R3HCC1L: variants seen among roughly 807,000 people sequenced by gnomAD.
R3HCC1L encodes the protein R3H domain and coiled-coil containing 1 like.
R3HCC1L carries 51 observed loss-of-function variants against 59.9 expected under a neutral mutation model. The observed-to-expected ratio is 0.85, with a 90% CI of 0.68 to 1.07. The LOEUF (loss-of-function observed/expected upper bound fraction) is 1.07, where lower values mean the gene tolerates loss of function less well. Ranked by LOEUF, R3HCC1L falls within the 50% of genes least tolerant of loss-of-function variation. The pLI is 0.00. For missense variants in R3HCC1L, 965 were observed against 933.0 expected (o/e 1.03, Z -0.45); for synonymous variants, 322 against 315.2 (o/e 1.02, Z -0.23).
intron 5 of R3HCC1L, among the ~76,000 whole-genome samples, chr10:98,219,522 T>C (rs559593299): frequency 6.6e-6 from 1 of 152,204 alleles, no homozygotes; most frequent in South Asian, 2.1e-4. Flanking sequence ...TCCTATCTTA[T>C]TTATCTTTGC....
chr10:98,136,399 A>T (rs551544814), intron 1 of R3HCC1L, among the ~76,000 whole-genome samples: 3 of 152,158 alleles, frequency 2.0e-5, no homozygotes. Context: ...GAGTGTTTCA[A>T]ATTTCAGATT....
intron 9 of R3HCC1L, among the ~76,000 whole-genome samples, chr10:98,240,314 A>G (rs550718992): frequency 2.0e-5 from 3 of 152,184 alleles, no homozygotes; most frequent in Non-Finnish European, 4.4e-5. Context: ...TCAAAAAAAT[A>G]AAAAACAAAA....
At chr10:98,230,736 G>A (rs10450402) in intron 5 of R3HCC1L, among the ~76,000 whole-genome samples, 91,798 of 152,036 alleles carry the variant, frequency 0.6, 27,962 homozygotes, top group South Asian at 0.67. Flanking sequence ...TTCCCTCTAC[G>A]CAAACAGTGT....
intron 7 of R3HCC1L, among the ~76,000 whole-genome samples, chr10:98,235,099 C>T (rs564647003): frequency 1.1e-4 from 16 of 152,200 alleles, no homozygotes; most frequent in Non-Finnish European, 1.9e-4. Flanking sequence ...CATCAGGTCT[C>T]TGTCACTACT....
chr10:98,196,766 T>C (rs989078972), intron 4 of R3HCC1L, among the ~76,000 whole-genome samples: 1 of 152,176 alleles, frequency 6.6e-6, no homozygotes, highest in African/African-American at 2.4e-5. Flanking sequence ...TACTTACATA[T>C]TAGCTAGAAT....
intron 4 of R3HCC1L, among the ~76,000 whole-genome samples, chr10:98,171,440 T>G (rs1242006869): frequency 6.6e-6 from 1 of 152,176 alleles, no homozygotes; most frequent in Non-Finnish European, 1.5e-5. Flanking sequence ...CTCTAGATGT[T>G]GTTAAGGCAT....
At chr10:98,135,316 G>A (rs1017674689) in intron 1 of R3HCC1L, among the ~76,000 whole-genome samples, 3 of 152,246 alleles carry the variant, frequency 2.0e-5, no homozygotes, top group Non-Finnish European at 2.9e-5. Context: ...TATCCTGGGG[G>A]AAGTCTCAGT....
intron 4 of R3HCC1L, 114 bp from the exon 5 acceptor site, chr10:98,207,987 T>C: frequency 1.0e-6 from 1 of 1,000,980 alleles, no homozygotes; most frequent in Non-Finnish European, 1.4e-6. Context: ...ATCGCTCCAC[T>C]GTACTCTAGC....
chr10:98,223,623 A>G (rs139443537), intron 5 of R3HCC1L, among the ~76,000 whole-genome samples: 104 of 151,868 alleles, frequency 6.8e-4, no homozygotes, highest in African/African-American at 2.2e-3. Flanking sequence ...TAGTTTCTGT[A>G]TGATATCTTG....
At chr10:98,177,098 G>C (rs971655594) in intron 4 of R3HCC1L, among the ~76,000 whole-genome samples, 3 of 152,020 alleles carry the variant, frequency 2.0e-5, no homozygotes, top group African/African-American at 7.3e-5. Context: ...TGTTACATAT[G>C]TATACATGTG....
At chr10:98,204,230 G>A (rs572064406) in intron 4 of R3HCC1L, among the ~76,000 whole-genome samples, 13 of 152,264 alleles carry the variant, frequency 8.5e-5, no homozygotes, top group African/African-American at 3.1e-4. Context: ...CCAACATAGA[G>A]AAACCCCATG....
chr10:98,196,758 C>T (rs1851475534), intron 4 of R3HCC1L, among the ~76,000 whole-genome samples: 1 of 152,174 alleles, frequency 6.6e-6, no homozygotes, highest in Non-Finnish European at 1.5e-5. Flanking sequence ...TCCCCCTGTA[C>T]TTACATATTA....
intron 4 of R3HCC1L, among the ~76,000 whole-genome samples, chr10:98,196,146 T>C (rs1851409597): frequency 6.6e-6 from 1 of 152,210 alleles, no homozygotes; most frequent in Non-Finnish European, 1.5e-5. Context: ...GCAGGTATTG[T>C]TAGAATTTCT....
chr10:98,157,799 C>T (rs569978913), intron 2 of R3HCC1L, among the ~76,000 whole-genome samples: 12 of 152,204 alleles, frequency 7.9e-5, no homozygotes, highest in Non-Finnish European at 1.6e-4. Flanking sequence ...AGGTGTATTC[C>T]ATTCTTTTAA....
chr10:98,208,038 A>G, intron 4 of R3HCC1L, 63 bp from the exon 5 acceptor site: 1 of 1,429,742 alleles, frequency 7.0e-7, no homozygotes, highest in African/African-American at 1.4e-5. Context: ...AAGAAAAAAG[A>G]AAATATTTTG....
chr10:98,221,343 G>A (rs2135464407), intron 5 of R3HCC1L, among the ~76,000 whole-genome samples: 1 of 149,638 alleles, frequency 6.7e-6, no homozygotes, highest in South Asian at 2.1e-4. Flanking sequence ...TGTTCACTCT[G>A]ATGGTAGTTT....
At chr10:98,138,806 G>A (rs990307447) in intron 1 of R3HCC1L, among the ~76,000 whole-genome samples, 1 of 152,024 alleles carries the variant, frequency 6.6e-6, no homozygotes, top group African/African-American at 2.4e-5. Context: ...ATGTAACTTT[G>A]GTTCATATGA....
chr10:98,208,747 C>G lies in R3HCC1L; in HGVS notation c.633C>G (p.Thr211=). The change falls in exon 5 of 10, where the codon ACC becomes ACG. Residue 211 remains threonine (T), a synonymous_variant. Coordinates refer to ENST00000298999, the MANE Select transcript of R3HCC1L (RefSeq NM_001351015.2). ...KDLEGRIETD[T]KVLEILYEFP... ...TGGAAGGCAGAATTGAAACTGATAC[C>G]AAGGTTTTGGAGATACTATATGAGT... The G allele has an allele frequency of 1.4e-5, 22 of 1,614,024 alleles. No homozygotes were observed. Among genetic ancestry groups the G allele is most frequent in the Non-Finnish European group, 5.9e-6 (7 of 1,179,998 alleles).
At chr10:98,238,977 G>T (rs1857242595) in intron 9 of R3HCC1L, among the ~76,000 whole-genome samples, 1 of 152,108 alleles carries the variant, frequency 6.6e-6, no homozygotes, top group Admixed American at 6.5e-5. Context: ...AAGATTAGGG[G>T]CAGATTGTTT....
Sources: allele counts gnomAD v4.1 joint callset (sites outside exome capture counted in the v4.1 genomes callset), GRCh38; gene constraint gnomAD v4.1.1; transcripts MANE v1.5; gene names NCBI Gene and HGNC (gene_info 2026-07-23, HGNC 2026-07-21).